Variants in PCSK5 observed in about 807,000 individuals in gnomAD.
PCSK5 encodes the protein proprotein convertase subtilisin/kexin type 5, also known as prohormone convertase 5.
In PCSK5, 129 loss-of-function variants were observed where a neutral mutation model predicts 233.2. The observed-to-expected ratio is 0.55, with a 90% CI of 0.48 to 0.64. The LOEUF (loss-of-function observed/expected upper bound fraction) is 0.64, where lower values mean the gene tolerates loss of function less well. Ranked by LOEUF, PCSK5 falls within the 30% of genes least tolerant of loss-of-function variation. The pLI, the probability that PCSK5 is intolerant of heterozygous loss-of-function variation, is 0.00. For missense variants in PCSK5, 2,076 were observed against 2,430.1 expected (o/e 0.85, Z 3.06); for synonymous variants, 825 against 879.2 (o/e 0.94, Z 1.09).
intron 1 of PCSK5, among the ~76,000 whole-genome samples, chr9:75,928,577 A>G (rs1823607374): frequency 1.5e-5 from 2 of 134,830 alleles, no homozygotes; most frequent in African/African-American, 2.8e-5. Flanking sequence ...AGACATAAAC[A>G]TGCTTTTACA....
chr9:75,955,780 G>A (rs539424414), intron 2 of PCSK5, among the ~76,000 whole-genome samples: 1 of 151,978 alleles, frequency 6.6e-6, no homozygotes, highest in East Asian at 1.9e-4. Flanking sequence ...TAAATACAAA[G>A]GAGTAAGTTT....
At chr9:76,355,756 T>C (rs954625427) in intron 37 of PCSK5, among the ~76,000 whole-genome samples, 11 of 151,924 alleles carry the variant, frequency 7.2e-5, no homozygotes, top group Non-Finnish European at 1.2e-4. Flanking sequence ...CAGGCTGGAG[T>C]GCAATGGCAC....
At chr9:76,115,589 G>C (rs1014667243) in intron 9 of PCSK5, among the ~76,000 whole-genome samples, 1 of 151,978 alleles carries the variant, frequency 6.6e-6, no homozygotes, top group Non-Finnish European at 1.5e-5. Context: ...TTTTTGTTCT[G>C]ATAGTGCCTA....
rs144023126 is a variant in PCSK5, at chr9:75,969,843, A to T, written c.298-16289A>T. 5.6e-3 allele frequency among the ~76,000 whole-genome samples: 853 copies of T among 151,516 alleles called. 7 individuals carry two copies. The highest frequency in any genetic ancestry group is 9.0e-3 in the Non-Finnish European group (611 of 67,954). On this transcript the variant is annotated intron_variant, in intron 2 of 37. Transcript: ENST00000674117. ...TTGCACTGGGCAAGCGAGAATTCTC[A>T]AACACGGGTTCCTTGGACTCCAGAA...
chr9:75,900,586 G>T lies in PCSK5; in HGVS notation c.192+9213G>T, dbSNP rs181397374. Reference sequence around the variant, plus strand: ...TGCAGCTACCCGGGAGGCTGAGGTGGGACAGTTGCTTGAGCCCGGGAGGCT... The same window carrying T: ...TGCAGCTACCCGGGAGGCTGAGGTGTGACAGTTGCTTGAGCCCGGGAGGCT... On this transcript the variant is annotated intron_variant, in intron 1 of 37. Coordinates refer to ENST00000674117, the MANE Select transcript of PCSK5 (RefSeq NM_001372043.1). Among the ~76,000 whole-genome samples, 741 of 150,902 alleles carry T rather than the reference G, an allele frequency of 4.9e-3. 2 individuals carry two copies. The highest frequency in any genetic ancestry group is 7.2e-3 in the Non-Finnish European group (486 of 67,706).
intron 3 of PCSK5, among the ~76,000 whole-genome samples, chr9:76,022,294 A>C (rs1187187453): frequency 6.6e-6 from 1 of 152,242 alleles, no homozygotes; most frequent in Non-Finnish European, 1.5e-5. Flanking sequence ...AATTCAAGCC[A>C]GGTAACTGAG....
intron 2 of PCSK5, among the ~76,000 whole-genome samples, chr9:75,942,885 C>CTTTTTT (rs1393843650): frequency 1.2e-5 from 1 of 85,720 alleles, no homozygotes; most frequent in African/African-American, 5.0e-5. Flanking sequence ...TCTTCTTCTT[C>CTTTTTT]TTTTTTTTTT....
chr9:75,992,586 C>T (rs1563959961), intron 3 of PCSK5, among the ~76,000 whole-genome samples: 1 of 146,270 alleles, frequency 6.8e-6, no homozygotes, highest in African/African-American at 2.5e-5. Context: ...CACACACACA[C>T]ACATACACAC....
At chr9:75,905,633 T>G (rs534943005) in intron 1 of PCSK5, among the ~76,000 whole-genome samples, 2 of 152,220 alleles carry the variant, frequency 1.3e-5, no homozygotes, top group African/African-American at 4.8e-5. Flanking sequence ...ACTGATACGG[T>G]CCGTGGCCTG....
At chr9:76,007,164 A>G (rs1827513692) in intron 3 of PCSK5, among the ~76,000 whole-genome samples, 1 of 152,142 alleles carries the variant, frequency 6.6e-6, no homozygotes, top group South Asian at 2.1e-4. Context: ...CCAGGGTTTA[A>G]TCAACTCTGG....
intron 7 of PCSK5, among the ~76,000 whole-genome samples, chr9:76,090,938 G>A (rs912606652): frequency 1.3e-5 from 2 of 150,876 alleles, no homozygotes; most frequent in Non-Finnish European, 2.9e-5. Flanking sequence ...TGAGAAGCAG[G>A]AAACCTAGAT....
At chr9:75,967,300 T>C (rs973952576) in intron 2 of PCSK5, among the ~76,000 whole-genome samples, 2 of 152,160 alleles carry the variant, frequency 1.3e-5, no homozygotes, top group Non-Finnish European at 2.9e-5. Flanking sequence ...TTTATGTCCA[T>C]GAGTACCCAA....
chr9:76,175,145 GT>G lies in PCSK5; in HGVS notation c.1900+17del. 6.2e-7 allele frequency: 1 copy of G among 1,610,850 alleles called. No homozygotes were observed. The highest frequency in any genetic ancestry group is 1.4e-5 in the African/African-American group (1 of 73,854). ...GATTATGCAGGTGAGCTGGCTTCCA[GT>G]GGGACACAGGCTAAAAAGAGGCAGC... On this transcript the variant is annotated intron_variant, in intron 14 of 37. Transcript: ENST00000674117.
At chr9:76,028,410 T>A (rs2131499133) in intron 5 of PCSK5, among the ~76,000 whole-genome samples, 1 of 151,682 alleles carries the variant, frequency 6.6e-6, no homozygotes. Context: ...GAGATCAGAG[T>A]TTTTAAAGAT....
chr9:76,229,073 C>A (rs1587782571), intron 21 of PCSK5, among the ~76,000 whole-genome samples: 1 of 152,150 alleles, frequency 6.6e-6, no homozygotes, highest in African/African-American at 2.4e-5. Context: ...GAAGAAGACA[C>A]AAAGGAACAG....
chr9:75,924,383 G>T (rs968835309), intron 1 of PCSK5, among the ~76,000 whole-genome samples: 1 of 152,114 alleles, frequency 6.6e-6, no homozygotes, highest in Non-Finnish European at 1.5e-5. Flanking sequence ...TTTTGTCATT[G>T]TGTGGCATTC....
intron 10 of PCSK5, among the ~76,000 whole-genome samples, chr9:76,139,827 A>G (rs1564056083): frequency 6.6e-6 from 1 of 152,112 alleles, no homozygotes; most frequent in African/African-American, 2.4e-5. Flanking sequence ...TGTGAATCAC[A>G]CAGAATTCAG....
Position 76,292,247 on chromosome 9 carries a change from T to G in PCSK5, c.3157T>G (p.Cys1053Gly). 1 of 1,573,942 alleles carries G rather than the reference T, an allele frequency of 6.4e-7. No homozygotes were observed. The highest frequency in any genetic ancestry group is 8.7e-7 in the Non-Finnish European group (1 of 1,145,270). ...LGCSLDDPGT[C>G]TSCAMGYYRF... is the part of the protein sequence containing the mutation. Reference sequence around the variant, plus strand: ...TTTTTTTCCAGATGATCCAGGAACATGTACATCTTGCGCTATGGGGTATTA... The same window carrying G: ...TTTTTTTCCAGATGATCCAGGAACAGGTACATCTTGCGCTATGGGGTATTA... Residue 1053 changes from cysteine to glycine, a missense_variant, in exon 25 of 38, where the codon TGT becomes GGT. Physicochemically the swap from Cys to Gly is radical, Grantham distance 159 (BLOSUM62 -3). Coordinates refer to ENST00000674117, the MANE Select transcript of PCSK5 (RefSeq NM_001372043.1).
chr9:76,261,574 A>G (rs137884836), intron 24 of PCSK5, among the ~76,000 whole-genome samples: 3 of 152,290 alleles, frequency 2.0e-5, no homozygotes, highest in Non-Finnish European at 4.4e-5. Context: ...AACCAAGGAG[A>G]TAAAAAATCT....
Sources: gnomAD v4.1 joint callset for allele counts (sites outside exome capture counted in the v4.1 genomes callset) on GRCh38, gnomAD v4.1.1 for gene constraint, MANE v1.5 for transcripts, NCBI Gene and HGNC (gene_info 2026-07-23, HGNC 2026-07-21) for gene names.